ADGRL3: variants seen among roughly 807,000 people sequenced by gnomAD.
The protein encoded by ADGRL3 is adhesion G protein-coupled receptor L3, also known as calcium-independent alpha-latrotoxin receptor 3.
In ADGRL3, 62 loss-of-function variants were observed where a neutral mutation model predicts 153.5. That is an observed-to-expected ratio of 0.40 (90% confidence interval 0.33 to 0.50). The LOEUF (loss-of-function observed/expected upper bound fraction) is 0.50. ADGRL3 is among the 20% of genes least tolerant of loss of function. The probability of loss-of-function intolerance (pLI) is 0.47; values close to 1 mark genes in which losing one functional copy is unlikely to be tolerated. For synonymous variants in ADGRL3, 710 were observed against 672.5 expected (o/e 1.06, Z -0.86); for missense variants, 1,641 against 1,859.4 (o/e 0.88, Z 2.16).
At chr4:61,908,088 A>G (rs2098704468) in intron 11 of ADGRL3, among the ~76,000 whole-genome samples, 1 of 152,112 alleles carries the variant, frequency 6.6e-6, no homozygotes, top group South Asian at 2.1e-4. Context: ...AGGATAGCGT[A>G]AGACCAGGAG....
intron 21 of ADGRL3, among the ~76,000 whole-genome samples, chr4:62,017,356 A>T (rs2099217020): frequency 6.6e-6 from 1 of 151,814 alleles, no homozygotes; most frequent in African/African-American, 2.4e-5. Context: ...TAAGGAAACT[A>T]CTATATACTA....
intron 1 of ADGRL3, among the ~76,000 whole-genome samples, chr4:61,373,020 A>G (rs2096557320): frequency 6.6e-6 from 1 of 152,068 alleles, no homozygotes; most frequent in Non-Finnish European, 1.5e-5. Context: ...CCTTTCTTTG[A>G]TTAGGAAAGG....
chr4:61,217,720 T>C (rs1743497909), intron 1 of ADGRL3, among the ~76,000 whole-genome samples: 1 of 152,174 alleles, frequency 6.6e-6, no homozygotes, highest in Admixed American at 6.5e-5. Flanking sequence ...TTTGGAGATA[T>C]GTATCTGTTT....
rs547328707 is a variant in ADGRL3, at chr4:61,480,936, A to T, written c.-173-16185A>T. 4.2e-3 allele frequency among the ~76,000 whole-genome samples: 634 copies of T among 152,250 alleles called. 6 individuals are homozygous for T. Among genetic ancestry groups the T allele is most frequent in the South Asian group, 9.1e-3 (44 of 4,830 alleles). On this transcript the variant is annotated intron_variant, in intron 2 of 26. Transcript: ENST00000683033. ...AATGCAGATAAAATCCAGAATTCTT[A>T]TTTTCCAATCACAGCCAATCACTCT...
intron 9 of ADGRL3, among the ~76,000 whole-genome samples, chr4:61,867,256 T>C (rs112115479): frequency 0.02 from 2,965 of 151,864 alleles, 103 homozygotes; most frequent in African/African-American, 0.066. Context: ...CACAGCACTT[T>C]GGGAGGCCAA....
At chr4:61,403,617 G>C (rs1053182608) in intron 2 of ADGRL3, among the ~76,000 whole-genome samples, 1 of 151,986 alleles carries the variant, frequency 6.6e-6, no homozygotes, top group East Asian at 1.9e-4. Flanking sequence ...ATCAACTGTG[G>C]AACAATTTTA....
chr4:61,694,168 A>T (rs1580317345), intron 6 of ADGRL3, among the ~76,000 whole-genome samples: 1 of 122,402 alleles, frequency 8.2e-6, no homozygotes, highest in Admixed American at 8.4e-5. Flanking sequence ...CTATTTTAAA[A>T]TTTTGTCATT....
At chr4:61,268,914 T>G (rs1413667792) in intron 1 of ADGRL3, among the ~76,000 whole-genome samples, 1 of 151,674 alleles carries the variant, frequency 6.6e-6, no homozygotes, top group Non-Finnish European at 1.5e-5. Flanking sequence ...TTGCGTCAAC[T>G]CATTCATCAT....
intron 4 of ADGRL3, among the ~76,000 whole-genome samples, chr4:61,541,443 T>C (rs2098689862): frequency 6.7e-6 from 1 of 148,874 alleles, no homozygotes; most frequent in Non-Finnish European, 1.5e-5. Context: ...TGTAATCCCA[T>C]GCATGCAGGC....
chr4:61,692,465 C>T (rs1909077), intron 6 of ADGRL3, among the ~76,000 whole-genome samples: 53,821 of 144,286 alleles, frequency 0.37, 11,355 homozygotes, highest in Middle Eastern at 0.5. Flanking sequence ...TTTTTTGAGA[C>T]AGTGTCTTGC....
intron 9 of ADGRL3, among the ~76,000 whole-genome samples, chr4:61,881,000 A>T (rs2098505149): frequency 6.6e-6 from 1 of 152,090 alleles, no homozygotes; most frequent in Admixed American, 6.6e-5. Context: ...TTACTCAACC[A>T]TGTATTCCCA....
intron 4 of ADGRL3, among the ~76,000 whole-genome samples, chr4:61,525,072 G>T (rs981985629): frequency 2.6e-5 from 4 of 152,044 alleles, no homozygotes; most frequent in Non-Finnish European, 5.9e-5. Context: ...GCAAGAGAAA[G>T]AATAGGTAAA....
At chr4:61,563,169 G>A (rs2098802600) in intron 4 of ADGRL3, among the ~76,000 whole-genome samples, 1 of 152,042 alleles carries the variant, frequency 6.6e-6, no homozygotes, top group South Asian at 2.1e-4. Context: ...TGTGTTAGCA[G>A]GCATGAAAAC....
chr4:61,838,419 T>A (rs2097970424), intron 9 of ADGRL3, among the ~76,000 whole-genome samples: 1 of 152,184 alleles, frequency 6.6e-6, no homozygotes, highest in Non-Finnish European at 1.5e-5. Context: ...TCATGGTAGT[T>A]AAGCATTTGC....
chr4:61,806,506 G>A (rs1561282895), intron 8 of ADGRL3, among the ~76,000 whole-genome samples: 1 of 151,680 alleles, frequency 6.6e-6, no homozygotes, highest in Admixed American at 6.6e-5. Flanking sequence ...TTTGCTATTA[G>A]TATTTTTCTA....
intron 2 of ADGRL3, among the ~76,000 whole-genome samples, chr4:61,404,164 AACTAGAATAATTGC>A (rs2096964698): frequency 6.6e-6 from 1 of 152,108 alleles, no homozygotes; most frequent in Admixed American, 6.6e-5. Context: ...AGACAGGCAT[AACTAGAATAATTGC>A]ACTAACTAAT....
At chr4:61,210,384 C>T (rs1739373928) in intron 1 of ADGRL3, among the ~76,000 whole-genome samples, 1 of 152,106 alleles carries the variant, frequency 6.6e-6, no homozygotes, top group Non-Finnish European at 1.5e-5. Context: ...GCCCCAGTGG[C>T]TCCACAGTAG....
chr4:61,310,914 T>A (rs192803264), intron 1 of ADGRL3, among the ~76,000 whole-genome samples: 37 of 152,138 alleles, frequency 2.4e-4, no homozygotes, highest in African/African-American at 8.2e-4. Context: ...AATGGATATA[T>A]TCCAGTCTAG....
intron 1 of ADGRL3, among the ~76,000 whole-genome samples, chr4:61,374,406 A>G (rs2096578996): frequency 6.6e-6 from 1 of 152,072 alleles, no homozygotes; most frequent in Non-Finnish European, 1.5e-5. Flanking sequence ...GTTGAATTTT[A>G]GTGCAGTGTG....
Sources: gnomAD v4.1 joint callset for allele counts (sites outside exome capture counted in the v4.1 genomes callset) on GRCh38, gnomAD v4.1.1 for gene constraint, MANE v1.5 for transcripts, NCBI Gene and HGNC (gene_info 2026-07-23, HGNC 2026-07-21) for gene names.